The following HSPA12A variants were observed in gnomAD, a reference collection of about 807,000 sequenced individuals.
HSPA12A encodes the protein heat shock 70 kDa protein 12A.
A neutral mutation model predicts 69.2 loss-of-function variants in HSPA12A; 28 were observed. The ratio of observed to expected loss-of-function variants is 0.40; its 90% CI spans 0.30 to 0.55. HSPA12A has a LOEUF of 0.55. HSPA12A is among the 20% of genes least tolerant of loss of function. The pLI is 0.38. For synonymous variants in HSPA12A, 345 were observed against 370.5 expected, an observed-to-expected ratio of 0.93 and a Z score of 0.79; for missense variants, 686 against 900.7, an observed-to-expected ratio of 0.76 and a Z score of 3.05.
At chr10:116,711,909 G>A (rs1554883142) in intron 1 of HSPA12A, among the ~76,000 whole-genome samples, 1 of 151,446 alleles carries the variant, frequency 6.6e-6, no homozygotes, top group Non-Finnish European at 1.5e-5. Flanking sequence ...GGATGGTCTC[G>A]ATCTCCTGAC....
intron 2 of HSPA12A, among the ~76,000 whole-genome samples, chr10:116,806,885 A>C (rs1162880686): frequency 6.6e-6 from 1 of 152,220 alleles, no homozygotes; most frequent in Non-Finnish European, 1.5e-5. Context: ...TGCAGATGTA[A>C]TTAAGGATTT....
At chr10:116,718,195 C>A (rs186999509) in intron 1 of HSPA12A, among the ~76,000 whole-genome samples, 5 of 152,196 alleles carry the variant, frequency 3.3e-5, no homozygotes, top group Non-Finnish European at 7.3e-5. Flanking sequence ...TCAGAGGCCA[C>A]GGCACAGCTA....
intron 1 of HSPA12A, among the ~76,000 whole-genome samples, chr10:116,728,225 G>GCCA (rs1851038076): frequency 6.6e-6 from 1 of 152,296 alleles, no homozygotes; most frequent in Admixed American, 6.5e-5. Flanking sequence ...ACAGATGTGA[G>GCCA]CCACTATGCC....
chr10:116,817,564 A>G lies in HSPA12A; in HGVS notation c.91+17371T>C, dbSNP rs7099554. On this transcript the variant is annotated intron_variant, in intron 2 of 12. Coordinates refer to the HSPA12A transcript ENST00000635765. ...GATGGCATATTCATACCTACACATA[A>G]TGATCTTCTATTTAAGATTTCTCTG... Among the ~76,000 whole-genome samples the G allele has an allele frequency of 6.3e-3, 959 of 152,166 alleles. 8 individuals are homozygous for G. Among genetic ancestry groups the G allele is most frequent in the African/African-American group, 0.022 (924 of 41,506 alleles).
At chr10:116,705,893 C>CTTTTTTTTTT (rs369606540) in intron 2 of HSPA12A, among the ~76,000 whole-genome samples, 5 of 115,618 alleles carry the variant, frequency 4.3e-5, no homozygotes. Context: ...TCTCTCTCTC[C>CTTTTTTTTTT]TTTTTTTTTT....
At chr10:116,703,107 C>T (rs1175621906) in intron 3 of HSPA12A, among the ~76,000 whole-genome samples, 1 of 152,218 alleles carries the variant, frequency 6.6e-6, no homozygotes, top group African/African-American at 2.4e-5. Flanking sequence ...CAGACCCTCA[C>T]AGCATCTGTC....
At position 116,723,168 on chromosome 10, in the gene HSPA12A, T is replaced by C. The variant is rs1479011918; in HGVS notation, c.41-15883A>G. The stretch of plus-strand genomic sequence containing the variant: ...CTATCCCCTTCATATCAGATGCAGC[T>C]GTTTAACCAATCAGATACCTCCATT... On this transcript the variant is annotated intron_variant, in intron 1 of 11. Transcript: ENST00000369209. The surrounding 1 kb of genome is among the most constrained non-coding windows in gnomAD (Gnocchi z 4.1). 6.6e-6 allele frequency among the ~76,000 whole-genome samples: 1 copy of C among 152,116 alleles called. No homozygotes were observed. Among genetic ancestry groups the C allele is most frequent in the Non-Finnish European group, 1.5e-5 (1 of 68,018 alleles).
intron 2 of HSPA12A, among the ~76,000 whole-genome samples, chr10:116,807,378 C>T (rs747514212): frequency 2.6e-5 from 4 of 152,106 alleles, no homozygotes; most frequent in Non-Finnish European, 4.4e-5. Context: ...TCCCCTCTTA[C>T]CCCTGCAGGC....
At chr10:116,732,884 T>G (rs1169475632) in intron 1 of HSPA12A, among the ~76,000 whole-genome samples, 4 of 152,062 alleles carry the variant, frequency 2.6e-5, no homozygotes, top group African/African-American at 9.7e-5. Context: ...TCGGCAGACC[T>G]CGATTCTGAG....
In HSPA12A at chr10:116,686,715, G is replaced by A. The variant is rs1486236941; in HGVS notation, c.664-2753C>T. On this transcript the variant is annotated intron_variant, in intron 6 of 11. Transcript: ENST00000369209. The surrounding 1 kb of genome is among the most constrained non-coding windows in gnomAD (Gnocchi z 4.1). The stretch of plus-strand genomic sequence containing the variant: ...AGGGAGAAAGGGTGGCATAAGCTCC[G>A]CCCCTTGTCCCCTCTTCCCACACTG... Among the ~76,000 whole-genome samples, 56 of 151,966 alleles carry A rather than the reference G, an allele frequency of 3.7e-4. 1 individual carries two copies. The highest frequency in any genetic ancestry group is 3.7e-3 in the Admixed American group (56 of 15,250).
At chr10:116,834,736 A>G (rs1845679669) in intron 2 of HSPA12A, among the ~76,000 whole-genome samples, 1 of 152,140 alleles carries the variant, frequency 6.6e-6, no homozygotes, top group Non-Finnish European at 1.5e-5. Context: ...TGCCTCTGAA[A>G]TTCTCTCAAA....
intron 2 of HSPA12A, among the ~76,000 whole-genome samples, chr10:116,772,601 G>T (rs1231956098): frequency 1.3e-5 from 2 of 152,214 alleles, no homozygotes; most frequent in Non-Finnish European, 2.9e-5. Flanking sequence ...AAAGTTCCAA[G>T]TTTTATCCCT....
intron 2 of HSPA12A, among the ~76,000 whole-genome samples, chr10:116,809,084 G>A (rs1203881879): frequency 6.6e-6 from 1 of 152,138 alleles, no homozygotes; most frequent in Non-Finnish European, 1.5e-5. Flanking sequence ...GACACCTGCC[G>A]ATCTCTAGAG....
At chr10:116,781,538 A>G (rs1301244883) in intron 2 of HSPA12A, among the ~76,000 whole-genome samples, 2 of 152,170 alleles carry the variant, frequency 1.3e-5, no homozygotes, top group Admixed American at 1.3e-4. Flanking sequence ...GGAGCCCCAC[A>G]GCCCTGGGTC....
chr10:116,684,075 G>T lies in HSPA12A; in HGVS notation c.664-113C>A, dbSNP rs916651219. 10 of 879,984 alleles carry T rather than the reference G, an allele frequency of 1.1e-5. No individual in the cohort carries two copies. In the African/African-American group the frequency reaches 1.3e-4, roughly 12 times the overall value. 54.5% of individuals were successfully genotyped at this position (879,984 alleles called of 1,614,324 possible). On this transcript the variant is annotated intron_variant, in intron 6 of 11. Transcript: ENST00000369209. ...GAGGGCGCACTCGTGCTCTGCATCT[G>T]TGGGACATTCTCTACACAGTCCTCT... is the stretch of plus-strand genomic sequence containing the variant.
intron 2 of HSPA12A, among the ~76,000 whole-genome samples, chr10:116,768,709 T>G (rs971786804): frequency 3.3e-5 from 5 of 152,120 alleles, no homozygotes; most frequent in Non-Finnish European, 5.9e-5. Context: ...CTCACTATGT[T>G]GCAGAGACTG....
chr10:116,817,209 T>G (rs907346449), intron 2 of HSPA12A, among the ~76,000 whole-genome samples: 2 of 152,124 alleles, frequency 1.3e-5, no homozygotes, highest in Admixed American at 6.5e-5. Context: ...GAACAGAAAC[T>G]TCTACCGCCA....
intron 2 of HSPA12A, among the ~76,000 whole-genome samples, chr10:116,817,035 C>G (rs926963021): frequency 6.6e-6 from 1 of 152,182 alleles, no homozygotes; most frequent in Non-Finnish European, 1.5e-5. Flanking sequence ...CTGGAATCAT[C>G]TGGATTGTTT....
chr10:116,836,696 G>A (rs1192985799), intron 1 of HSPA12A, among the ~76,000 whole-genome samples: 1 of 151,592 alleles, frequency 6.6e-6, no homozygotes, highest in Admixed American at 6.6e-5. Flanking sequence ...GTGACTGGTG[G>A]ATTTTTAAGA....
Sources: gnomAD v4.1 joint callset for allele counts (sites outside exome capture counted in the v4.1 genomes callset) on GRCh38, gnomAD v4.1.1 for gene constraint, Gnocchi (gnomAD v3.1) non-coding constraint, MANE v1.5 for transcripts, NCBI Gene and HGNC (gene_info 2026-07-23, HGNC 2026-07-21) for gene names.